Variants in PIAS2 observed in about 807,000 individuals in gnomAD.
PIAS2 encodes E3 SUMO-protein ligase PIAS2.
Under a neutral mutation model 69.7 loss-of-function variants are expected in PIAS2, and 19 were observed. That is an observed-to-expected ratio of 0.27 (90% confidence interval 0.19 to 0.40). The LOEUF (loss-of-function observed/expected upper bound fraction) is 0.40, where lower values mean the gene tolerates loss of function less well. Among genes scored for constraint, PIAS2 ranks in the 10% least tolerant of loss-of-function variants. The pLI is 1.00. For missense variants in PIAS2, 624 were observed against 757.0 expected, an observed-to-expected ratio of 0.82 and a Z score of 2.06; for synonymous variants, 261 against 263.2, an observed-to-expected ratio of 0.99 and a Z score of 0.08.
At chr18:46,816,836 C>T in intron 12 of PIAS2, 7 of 984,078 alleles carry the variant, frequency 7.1e-6, no homozygotes, top group Non-Finnish European at 8.4e-6. Context: ...CAATACTAAA[C>T]CAAAGAGAAT....
At position 46,808,981 on chromosome 18, in the gene PIAS2, CT is replaced by C. The variant is rs1207447447; in HGVS notation, c.*3451del. 6.6e-6 allele frequency: 1 copy of C among 151,996 alleles called. No individual in the cohort carries two copies. The highest frequency in any genetic ancestry group is 2.4e-5 in the African/African-American group (1 of 41,400). 9.4% of individuals were successfully genotyped at this position (151,996 alleles called of 1,614,324 possible). On this transcript the variant is annotated 3_prime_UTR_variant, in exon 14 of 14. Coordinates refer to ENST00000585916, the MANE Select transcript of PIAS2 (RefSeq NM_004671.5). ...TTGGCAGAAAAAAAAGACAACTTGG[CT>C]GGAAATGCTGAGTGTCTTGGACTGG...
chr18:46,844,895 T>A, intron 6 of PIAS2, 56 bp from the exon 7 acceptor site: 1 of 643,694 alleles, frequency 1.6e-6, no homozygotes, highest in Non-Finnish European at 2.5e-6. Flanking sequence ...TTCTCTTTGT[T>A]TACATGAAAT....
At chr18:46,865,350 G>A (rs902027321) in intron 2 of PIAS2, among the ~76,000 whole-genome samples, 1 of 151,926 alleles carries the variant, frequency 6.6e-6, no homozygotes, top group Non-Finnish European at 1.5e-5. Flanking sequence ...GACCAGCCTG[G>A]CCAACATGGT....
rs1555706619 is a variant in PIAS2, at chr18:46,807,381, ATATTTTTTT to A, written c.*5043_*5051del. 0.01 allele frequency: 206 copies of A among 19,780 alleles called. 2 individuals are homozygous for A. The highest frequency in any genetic ancestry group is 0.014 in the Non-Finnish European group (167 of 12,056). 1.2% of individuals were successfully genotyped at this position (19,780 alleles called of 1,614,324 possible). ...TATATATATATATATATATATATAT[ATATTTTTTT>A]TTTTTTTTTTTTTTTTTTTTAGAGA... is the stretch of plus-strand genomic sequence containing the variant. On this transcript the variant is annotated 3_prime_UTR_variant, in exon 14 of 14. Transcript: ENST00000585916.
rs1218472328 is a variant in PIAS2, at chr18:46,846,528, G to C, written c.861+179C>G. 3 of 471,034 alleles carry C rather than the reference G, an allele frequency of 6.4e-6. No individual in the cohort carries two copies. In the East Asian group the frequency reaches 9.9e-5, roughly 15 times the overall value. The allele number at this position is 471,034 out of a possible 1,614,324, so 29.2% of individuals were successfully genotyped here. A position where few individuals can be genotyped will look rare whatever the true frequency, so the allele number is the denominator to read the frequency against. On this transcript the variant is annotated intron_variant, in intron 6 of 13. Transcript: ENST00000585916. ...AAGAGATGATATTCAGGAAAGCTCA[G>C]AGTTAAAGTTTTTAACTTTAAGAAT...
intron 1 of PIAS2, among the ~76,000 whole-genome samples, chr18:46,913,855 T>C (rs971387799): frequency 1.3e-5 from 2 of 152,068 alleles, no homozygotes; most frequent in African/African-American, 2.4e-5. Flanking sequence ...CAGGCTGGAG[T>C]GCAGTGTCAA....
rs917085456 is a variant in PIAS2, at chr18:46,809,479, G to T, written c.*2954C>A. ...GATAAAAACATTTTATTTTGGCCAG[G>T]CGCGGTGGCTCACGCCTGTAAATCC... On this transcript the variant is annotated 3_prime_UTR_variant, in exon 14 of 14. Transcript: ENST00000585916. The T allele has an allele frequency of 7.9e-5, 12 of 152,272 alleles. No individual in the cohort carries two copies. Among genetic ancestry groups the T allele is most frequent in the African/African-American group, 2.9e-4 (12 of 41,434 alleles). The allele number at this position is 152,272 out of a possible 1,614,324, so 9.4% of individuals were successfully genotyped here.
In PIAS2 at chr18:46,811,517, G is replaced by T. The variant is rs970437463; in HGVS notation, c.*916C>A. 1.3e-5 allele frequency: 2 copies of T among 152,144 alleles called. No homozygotes were observed. Among genetic ancestry groups the T allele is most frequent in the African/African-American group, 4.8e-5 (2 of 41,424 alleles). 9.4% of individuals were successfully genotyped at this position (152,144 alleles called of 1,614,324 possible). A position where few individuals can be genotyped will look rare whatever the true frequency, so the allele number is the denominator to read the frequency against. On this transcript the variant is annotated 3_prime_UTR_variant, in exon 14 of 14. Coordinates refer to ENST00000585916, the MANE Select transcript of PIAS2 (RefSeq NM_004671.5). ...AAATCTGCTCTTCTGCTGGCTCCAA[G>T]ATATCAATATTTGATAGTGTGAACA... is the stretch of plus-strand genomic sequence containing the variant.
chr18:46,821,895 C>T (rs2144814516), intron 11 of PIAS2, among the ~76,000 whole-genome samples: 1 of 152,260 alleles, frequency 6.6e-6, no homozygotes, highest in African/African-American at 2.4e-5. Context: ...AAAGTTCAAG[C>T]TTAAACAGAG....
intron 5 of PIAS2, among the ~76,000 whole-genome samples, chr18:46,847,536 C>T (rs1192283734): frequency 1.3e-5 from 2 of 149,218 alleles, no homozygotes; most frequent in Non-Finnish European, 3.0e-5. Flanking sequence ...GGCTGGAGTA[C>T]AGTGGCGCGA....
chr18:46,896,635 G>T (rs997316769), intron 1 of PIAS2, among the ~76,000 whole-genome samples: 5 of 152,236 alleles, frequency 3.3e-5, no homozygotes, highest in African/African-American at 4.8e-5. Flanking sequence ...GCAGGGAGAA[G>T]TCCACCCTAT....
rs185226196 is a variant in PIAS2, at chr18:46,883,409, A to G, written c.499+7171T>C. Among the ~76,000 whole-genome samples, 9 of 152,250 alleles carry G rather than the reference A, an allele frequency of 5.9e-5. No homozygotes were observed. In the East Asian group the frequency reaches 1.7e-3, roughly 29 times the overall value. ...GTCACAGAAGAATACATATAAGAAT[A>G]TAATTATATAGTGCCAAGCGCAGTG... On this transcript the variant is annotated intron_variant, in intron 2 of 13. Transcript: ENST00000585916.
At position 46,891,362 on chromosome 18, in the gene PIAS2, G is replaced by C. The variant is rs542203194; in HGVS notation, c.25-308C>G. On this transcript the variant is annotated intron_variant, in intron 1 of 13. Transcript: ENST00000585916. ...TAATGCAAACAGTTATTTGCTTTAT[G>C]ACTATAAAATCTATCACCAATGAAT... is the stretch of plus-strand genomic sequence containing the variant. 4 of 369,872 alleles carry C rather than the reference G, an allele frequency of 1.1e-5. No homozygotes were observed. The Admixed American group carries it at 1.7e-4, about 16-fold the overall frequency. The allele number at this position is 369,872 out of a possible 1,614,324, so 22.9% of individuals were successfully genotyped here.
chr18:46,878,588 G>A (rs570920450), intron 2 of PIAS2, among the ~76,000 whole-genome samples: 46 of 152,244 alleles, frequency 3.0e-4, no homozygotes, highest in African/African-American at 1.1e-3. Flanking sequence ...TGCTTCCTAG[G>A]CTAGGTGCAG....
At chr18:46,819,748 GA>G (rs1379840710) in intron 12 of PIAS2, among the ~76,000 whole-genome samples, 2 of 152,126 alleles carry the variant, frequency 1.3e-5, no homozygotes, top group Non-Finnish European at 2.9e-5. Flanking sequence ...GGAGAGAAGG[GA>G]AGTCATGAAT....
intron 3 of PIAS2, among the ~76,000 whole-genome samples, chr18:46,855,998 T>TG (rs34296199): frequency 3.7e-5 from 1 of 26,992 alleles, no homozygotes; most frequent in Non-Finnish European, 6.7e-5. Flanking sequence ...TTTTCTTTTG[T>TG]TTTTTTTTTT....
At chr18:46,891,947 G>C (rs2054137140) in intron 1 of PIAS2, among the ~76,000 whole-genome samples, 1 of 152,100 alleles carries the variant, frequency 6.6e-6, no homozygotes, top group African/African-American at 2.4e-5. Flanking sequence ...AATCACACTT[G>C]GGTCAGATAC....
chr18:46,858,583 G>C (rs1248167216), intron 3 of PIAS2, among the ~76,000 whole-genome samples: 1 of 152,178 alleles, frequency 6.6e-6, no homozygotes, highest in Non-Finnish European at 1.5e-5. Context: ...TATAGTCCCA[G>C]CTAGTCAGAA....
chr18:46,903,025 C>T (rs1489270907), intron 1 of PIAS2, among the ~76,000 whole-genome samples: 3 of 152,162 alleles, frequency 2.0e-5, no homozygotes, highest in Non-Finnish European at 2.9e-5. Flanking sequence ...GAAAAATGAA[C>T]TTCCACTTAA....
Sources: gnomAD v4.1 joint callset for allele counts (sites outside exome capture counted in the v4.1 genomes callset) on GRCh38, gnomAD v4.1.1 for gene constraint, MANE v1.5 for transcripts, NCBI Gene and HGNC (gene_info 2026-07-23, HGNC 2026-07-21) for gene names.